Variants in TERT observed in about 807,000 individuals in gnomAD.
TERT encodes the protein telomerase catalytic subunit.
A neutral mutation model predicts 104.0 loss-of-function variants in TERT; 42 were observed. The ratio of observed to expected loss-of-function variants is 0.40; its 90% confidence interval spans 0.32 to 0.52. The LOEUF is 0.52. TERT is among the 20% of genes least tolerant of loss of function. TERT has a pLI of 0.43. For synonymous variants in TERT, 781 were observed against 725.6 expected (o/e 1.08, Z -1.23); for missense variants, 1,101 against 1,610.3 (o/e 0.68, Z 5.41).
Position 1,295,060 on chromosome 5 carries a change from C to A in TERT, c.-71G>T, listed in dbSNP as rs2126693756. 1 of 1,049,018 alleles carries A rather than the reference C, an allele frequency of 9.5e-7. No individual in the cohort carries two copies. The highest frequency in any genetic ancestry group is 1.2e-6 in the Non-Finnish European group (1 of 832,148). The allele number at this position is 1,049,018 out of a possible 1,614,324, so 65.0% of individuals were successfully genotyped here. ...GCAGCGCTGCCTGAAACTCGCGCCG[C>A]GAGGAGAGGGCGGGGCCGCGGAAAG... On this transcript the variant is annotated 5_prime_UTR_variant, in exon 1 of 16. Transcript: ENST00000310581.
rs372321426 is a variant in TERT, at chr5:1,277,605, T to TC, written c.2286+1035_2286+1036insG. Among the ~76,000 whole-genome samples the TC allele has an allele frequency of 4.1e-5, 5 of 122,542 alleles. No homozygotes were observed. The East Asian group carries it at 7.3e-4, about 18-fold the overall frequency. 80.4% of individuals were successfully genotyped at this position (122,542 alleles called of 152,430 possible). A position where few individuals can be genotyped will look rare whatever the true frequency, so the allele number is the denominator to read the frequency against. The stretch of plus-strand genomic sequence containing the variant: ...GGTAGCTTCCGCTGCAGCGGGGATG[T>TC]GGGGGGGGGTCTCCTGGGCTCTGGT... On this transcript the variant is annotated intron_variant, in intron 6 of 15. Transcript: ENST00000310581.
chr5:1,282,437 A>G lies in TERT; in HGVS notation c.1761T>C (p.Ile587=), dbSNP rs1750084189. The change falls in exon 3 of 16, where the codon ATT becomes ATC. Residue 587 remains isoleucine (I), a synonymous_variant. Transcript: ENST00000310581. ...RKSVWSKLQS[I]GIRQHLKRVQ... ...GCGTGGGGATACAGTACCTGATTCC[A>G]ATGCTTTGCAACTTGCTCCAGACAC... 1 of 1,614,060 alleles carries G rather than the reference A, an allele frequency of 6.2e-7. No homozygotes were observed. Among genetic ancestry groups the G allele is most frequent in the Non-Finnish European group, 8.5e-7 (1 of 1,179,982 alleles).
At chr5:1,273,154 C>CCA (rs545024255) in intron 6 of TERT, among the ~76,000 whole-genome samples, 50 of 2,444 alleles carry the variant, frequency 0.02, no homozygotes, top group African/African-American at 0.092. Flanking sequence ...TCCACAGTCA[C>CCA]CACATCAGAC....
chr5:1,287,157 T>G lies in TERT; in HGVS notation c.1574-4533A>C, dbSNP rs912052889. Among the ~76,000 whole-genome samples, 1 of 151,956 alleles carries G rather than the reference T, an allele frequency of 6.6e-6. No individual in the cohort carries two copies. Among genetic ancestry groups the G allele is most frequent in the Non-Finnish European group, 1.5e-5 (1 of 68,012 alleles). On this transcript the variant is annotated intron_variant, in intron 2 of 15. Transcript: ENST00000310581. This position sits in a 1 kb window ranked among gnomAD's most constrained non-coding sequence, Gnocchi z 4.3. Reference sequence around the variant, plus strand: ...ACGACTGTCAGACTGGATTGGAAATTCACCTACATGCTGTTAACAGGACAT... The same window carrying G: ...ACGACTGTCAGACTGGATTGGAAATGCACCTACATGCTGTTAACAGGACAT...
chr5:1,271,228 A>G (rs1193009140), intron 7 of TERT, 24 bp from the exon 8 acceptor site: 2 of 1,581,092 alleles, frequency 1.3e-6, no homozygotes, highest in East Asian at 2.2e-5. Context: ...CGGGAGACAC[A>G]TGGGAGTGAG....
chr5:1,274,329 C>G lies in TERT; in HGVS notation c.2287-2049G>C, dbSNP rs112023197. Among the ~76,000 whole-genome samples the G allele has an allele frequency of 6.6e-6, 1 of 152,188 alleles. No individual in the cohort carries two copies. The highest frequency in any genetic ancestry group is 2.4e-5 in the African/African-American group (1 of 41,452). The stretch of plus-strand genomic sequence containing the variant: ...AAATAGCCCATGGGTCTGAGGTCGG[C>G]GGAAAGCATCACAGAAATCCGTAAT... On this transcript the variant is annotated intron_variant, in intron 6 of 15. Coordinates refer to ENST00000310581, the MANE Select transcript of TERT (RefSeq NM_198253.3). The surrounding 1 kb of genome is among the most constrained non-coding windows in gnomAD (Gnocchi z 5.3).
Position 1,294,484 on chromosome 5 carries a change from G to A in TERT, c.402C>T (p.Ser134=), listed in dbSNP as rs1346841144. 3 of 1,588,412 alleles carry A rather than the reference G, an allele frequency of 1.9e-6. No individual in the cohort carries two copies. The highest frequency in any genetic ancestry group is 1.3e-5 in the African/African-American group (1 of 74,624). ...PNTVTDALRG[S]GAWGLLLRRV... ...GGCGCAGCAGCAGCCCCCACGCCCC[G>A]CTCCCCCGCAGTGCGTCGGTCACCG... Residue 134 remains serine, a synonymous_variant, in exon 2 of 16, where the codon AGC becomes AGT. Transcript: ENST00000310581.
rs1421121809 is a variant in TERT, at chr5:1,255,024, G to C, written c.3157+263C>G. On this transcript the variant is annotated intron_variant, in intron 14 of 15. Coordinates refer to ENST00000310581, the MANE Select transcript of TERT (RefSeq NM_198253.3). The surrounding 1 kb of genome is among the most constrained non-coding windows in gnomAD (Gnocchi z 6.9). ...CCCAAATCCCACCATGGGGCAAACA[G>C]GAGAGACCAGGCCCCCCAGCGCTTC... 2.0e-5 allele frequency among the ~76,000 whole-genome samples: 3 copies of C among 152,162 alleles called. No individual in the cohort carries two copies. The highest frequency in any genetic ancestry group is 7.2e-5 in the African/African-American group (3 of 41,442).
In TERT at chr5:1,282,820, C is replaced by G. The variant is rs1750129151; in HGVS notation, c.1574-196G>C. The G allele has an allele frequency of 6.3e-6, 4 of 635,318 alleles. No individual in the cohort carries two copies. In the East Asian group the frequency reaches 1.1e-4, roughly 18 times the overall value. The allele number at this position is 635,318 out of a possible 1,614,324, so 39.4% of individuals were successfully genotyped here. On this transcript the variant is annotated intron_variant, in intron 2 of 15. Coordinates refer to ENST00000310581, the MANE Select transcript of TERT (RefSeq NM_198253.3). ...TCACCCTGGACCTGCACCATTCGGACACGGGGACACCGCATATCCAGCTCA... is the reference window on the plus strand; with the variant it reads ...TCACCCTGGACCTGCACCATTCGGAGACGGGGACACCGCATATCCAGCTCA...
At position 1,280,143 on chromosome 5, in the gene TERT, C is replaced by T. The variant is rs35695689; in HGVS notation, c.1950+15G>A. 5.4e-4 allele frequency: 872 copies of T among 1,613,834 alleles called. 2 individuals are homozygous for T. The African/African-American group carries it at 9.8e-3, about 18-fold the overall frequency. On this transcript the variant is annotated intron_variant, in intron 4 of 15. Transcript: ENST00000310581. ...ACTTCTGTTTAAAAAGGAAGTTAAA[C>T]CAAAGCACAGCCACCCTCTTTTCTC...
intron 7 of TERT, 111 bp from the exon 8 acceptor site, chr5:1,271,315 T>C: frequency 1.3e-6 from 1 of 791,530 alleles, no homozygotes; most frequent in Non-Finnish European, 2.2e-6. Context: ...TGTGATGAAG[T>C]GCGGGGCTGG....
At position 1,289,837 on chromosome 5, in the gene TERT, G is replaced by T. The variant is rs576115054; in HGVS notation, c.1573+3476C>A. On this transcript the variant is annotated intron_variant, in intron 2 of 15. Transcript: ENST00000310581. The stretch of plus-strand genomic sequence containing the variant: ...CCTGAACGTGACAGGGACACCCGGG[G>T]ACAGTGCCTCACTCACCCTGCAAGT... Among the ~76,000 whole-genome samples the T allele has an allele frequency of 1.4e-4, 14 of 103,322 alleles. 1 individual carries two copies. The highest frequency in any genetic ancestry group is 6.0e-4 in the African/African-American group (13 of 21,494). The allele number at this position is 103,322 out of a possible 152,430, so 67.8% of individuals were successfully genotyped here.
intron 2 of TERT, among the ~76,000 whole-genome samples, chr5:1,283,504 T>C (rs939902176): frequency 0.14 from 4,944 of 35,512 alleles, no homozygotes; most frequent in Non-Finnish European, 0.16. Flanking sequence ...GGACACCGCA[T>C]ATCCAGCTAA....
chr5:1,264,211 G>T, intron 11 of TERT, 193 bp downstream of exon 11: 1 of 625,230 alleles, frequency 1.6e-6, no homozygotes, highest in Non-Finnish European at 2.8e-6. Context: ...TGCTCCCGTT[G>T]TGAGCACCCT....
chr5:1,253,663 A>T lies in TERT; in HGVS notation c.*65T>A, dbSNP rs1008867202. On this transcript the variant is annotated 3_prime_UTR_variant, in exon 16 of 16. Coordinates refer to ENST00000310581, the MANE Select transcript of TERT (RefSeq NM_198253.3). ...TGTGGGCCGCCCCTCCCTCCCTGGG[A>T]CGTAGAGCCCGGCGTGACAGGGCTG... 2.1e-6 allele frequency: 3 copies of T among 1,418,256 alleles called. No homozygotes were observed. In the African/African-American group the frequency reaches 4.2e-5, roughly 20 times the overall value. 87.9% of individuals were successfully genotyped at this position (1,418,256 alleles called of 1,614,324 possible).
intron 12 of TERT, 103 bp downstream of exon 12, chr5:1,260,371 C>T: frequency 6.4e-7 from 1 of 1,573,896 alleles, no homozygotes; most frequent in Non-Finnish European, 8.7e-7. Flanking sequence ...TACGTGCAGC[C>T]AGTCACCATC....
intron 2 of TERT, among the ~76,000 whole-genome samples, chr5:1,285,303 C>T (rs377594234): frequency 5.9e-5 from 9 of 151,974 alleles, no homozygotes; most frequent in East Asian, 5.8e-4. Context: ...GAGGGCCTGG[C>T]GACCTCATCC....
In TERT at chr5:1,263,675, G is replaced by C. The variant is rs915484251; in HGVS notation, c.2843+729C>G. Among the ~76,000 whole-genome samples, 1 of 152,184 alleles carries C rather than the reference G, an allele frequency of 6.6e-6. No individual in the cohort carries two copies. The highest frequency in any genetic ancestry group is 2.4e-5 in the African/African-American group (1 of 41,446). On this transcript the variant is annotated intron_variant, in intron 11 of 15. Coordinates refer to ENST00000310581, the MANE Select transcript of TERT (RefSeq NM_198253.3). This position sits in a 1 kb window ranked among gnomAD's most constrained non-coding sequence, Gnocchi z 5.3. Reference sequence around the variant, plus strand: ...CCCACCTCGGCCTCCCAAAGTGCTGGGATTATAGGTGTGAGCCACCTTGCC... The same window carrying C: ...CCCACCTCGGCCTCCCAAAGTGCTGCGATTATAGGTGTGAGCCACCTTGCC...
chr5:1,293,164 C>A, intron 2 of TERT, 149 bp downstream of exon 2: 1 of 837,602 alleles, frequency 1.2e-6, no homozygotes, highest in South Asian at 1.7e-5. Flanking sequence ...GCAGAGATCA[C>A]CGTGTCCACT....
Sources: gnomAD v4.1 joint callset for allele counts (sites outside exome capture counted in the v4.1 genomes callset) on GRCh38, gnomAD v4.1.1 for gene constraint, Gnocchi (gnomAD v3.1) non-coding constraint, MANE v1.5 for transcripts, NCBI Gene and HGNC (gene_info 2026-07-23, HGNC 2026-07-21) for gene names.